The following FBXL13 variants were observed in gnomAD, a reference collection of about 807,000 sequenced individuals.
The protein encoded by FBXL13 is F-box and leucine rich repeat protein 13, also known as F-box and leucine-rich repeat protein 13.
In FBXL13, 67 loss-of-function variants were observed where a neutral mutation model predicts 83.6. The ratio of observed to expected loss-of-function variants is 0.80; its 90% CI spans 0.66 to 0.98. The LOEUF (loss-of-function observed/expected upper bound fraction) is 0.98, where lower values mean the gene tolerates loss of function less well. Ranked by LOEUF, FBXL13 falls within the 50% of genes least tolerant of loss-of-function variation. The pLI, the probability that FBXL13 is intolerant of heterozygous loss-of-function variation, is 0.00. For missense variants in FBXL13, 822 were observed against 866.5 expected, an observed-to-expected ratio of 0.95 and a Z score of 0.64; for synonymous variants, 272 against 299.5, an observed-to-expected ratio of 0.91 and a Z score of 0.95.
intron 2 of FBXL13, among the ~76,000 whole-genome samples, chr7:103,043,631 C>T (rs1290166491): frequency 2.0e-5 from 3 of 152,204 alleles, no homozygotes; most frequent in Non-Finnish European, 2.9e-5. Context: ...CCTGCCTCAG[C>T]CTCCCAAGTA....
chr7:102,867,386 AAAAG>A (rs990472550), intron 16 of FBXL13, among the ~76,000 whole-genome samples: 6 of 152,022 alleles, frequency 3.9e-5, no homozygotes, highest in African/African-American at 1.2e-4. Flanking sequence ...CAAACAAAAA[AAAAG>A]AAGAATTTAC....
At chr7:103,046,995 C>T (rs749835880) in intron 2 of FBXL13, 3 of 152,164 alleles carry the variant, frequency 2.0e-5, no homozygotes, top group Admixed American at 6.5e-5. Flanking sequence ...TGATTATCCT[C>T]GGTGAACCAT....
At chr7:102,811,276 G>GA (rs1562885939), downstream of FBXL13, among the ~76,000 whole-genome samples, 1 of 152,228 alleles carries the variant, frequency 6.6e-6, no homozygotes, top group African/African-American at 2.4e-5. Context: ...CAGACAAAAA[G>GA]AAAAAGCTGC....
exon 1 of FBXL13, chr7:103,074,553 C>A: frequency 1.6e-6 from 2 of 1,217,044 alleles, no homozygotes. Context: ...AATTTGACTT[C>A]ACTTTCTCGC....
At chr7:102,944,559 A>C in intron 8 of FBXL13, 1 of 1,612,722 alleles carries the variant, frequency 6.2e-7, no homozygotes, top group South Asian at 1.1e-5. Flanking sequence ...AAAAACATAG[A>C]GATCACACCG....
chr7:102,982,785 A>G (rs147528954), intron 6 of FBXL13, among the ~76,000 whole-genome samples: 3 of 152,240 alleles, frequency 2.0e-5, no homozygotes, highest in African/African-American at 7.2e-5. Context: ...TTCCTTTATA[A>G]ATTACCCACC....
intron 11 of FBXL13, among the ~76,000 whole-genome samples, chr7:102,884,732 G>A (rs776989962): frequency 2.0e-4 from 30 of 152,162 alleles, no homozygotes; most frequent in South Asian, 1.0e-3. Flanking sequence ...GCACCTAAAT[G>A]TAGTTCCAAA....
At chr7:102,948,370 T>A (rs751361903) in intron 8 of FBXL13, among the ~76,000 whole-genome samples, 3 of 152,022 alleles carry the variant, frequency 2.0e-5, no homozygotes, top group Admixed American at 1.3e-4. Flanking sequence ...GTAATGAGGA[T>A]CTACTTGTCT....
intron 9 of FBXL13, among the ~76,000 whole-genome samples, chr7:102,927,937 C>T (rs1818446331): frequency 6.6e-6 from 1 of 152,146 alleles, no homozygotes; most frequent in Non-Finnish European, 1.5e-5. Context: ...TGTTGAAAGA[C>T]CTTGGCAAAA....
chr7:102,902,045 C>T (rs1451328762), intron 11 of FBXL13, among the ~76,000 whole-genome samples: 2 of 152,156 alleles, frequency 1.3e-5, no homozygotes, highest in Non-Finnish European at 2.9e-5. Flanking sequence ...ATTTACATTC[C>T]CACCAGCAGT....
At chr7:102,822,250 A>C in intron 18 of FBXL13, 47 bp from the exon 20 acceptor site, 1,099 of 1,531,776 alleles carry the variant, frequency 7.2e-4, no homozygotes, top group Non-Finnish European at 9.0e-4. Context: ...ACACTATCTC[A>C]GGGAAGAACA....
rs528610336 is a variant in FBXL13, at chr7:102,905,728, A to G, written c.1008+7358T>C. Among the ~76,000 whole-genome samples the G allele has an allele frequency of 1.1e-4, 17 of 151,494 alleles. No homozygotes were observed. In the East Asian group the frequency reaches 2.7e-3, roughly 24 times the overall value. On this transcript the variant is annotated intron_variant, in intron 11 of 19. Coordinates refer to ENST00000313221, the Ensembl canonical transcript of FBXL13. The stretch of plus-strand genomic sequence containing the variant: ...TTCCTGTCTTCTTCAACTGAAGGCA[A>G]TTTTCTCTGGTGATATTATTTAATT...
rs201045193 is a variant in FBXL13 at position 102,830,082 on chromosome 7, G to C, written c.1854+2758C>G. ...TTCCTCTTTCTCCCTCTAAACCTTTGATACAGAGTGATGCATTTCTTGCAT... is the reference window on the plus strand; with the variant it reads ...TTCCTCTTTCTCCCTCTAAACCTTTCATACAGAGTGATGCATTTCTTGCAT... On this transcript the variant is annotated intron_variant, in intron 18 of 19. Transcript: ENST00000313221. Among the ~76,000 whole-genome samples, 8 of 152,164 alleles carry C rather than the reference G, an allele frequency of 5.3e-5. No individual in the cohort carries two copies. The East Asian group carries it at 1.5e-3, about 29-fold the overall frequency.
chr7:102,984,104 T>C (rs1828630189), intron 6 of FBXL13, among the ~76,000 whole-genome samples: 1 of 152,180 alleles, frequency 6.6e-6, no homozygotes, highest in African/African-American at 2.4e-5. Context: ...CCAATGGAGA[T>C]ATTTGGCATA....
intron 10 of FBXL13, among the ~76,000 whole-genome samples, chr7:102,922,963 G>A (rs1337147525): frequency 6.6e-6 from 1 of 152,130 alleles, no homozygotes. Context: ...GGGCGACAGA[G>A]CGAGACTCCG....
intron 8 of FBXL13, among the ~76,000 whole-genome samples, chr7:102,936,530 G>T (rs1277528082): frequency 6.6e-6 from 1 of 152,176 alleles, no homozygotes; most frequent in Non-Finnish European, 1.5e-5. Context: ...ATATTGTTAT[G>T]GTGAGTCCTT....
rs1387638135 is a variant in FBXL13 at position 102,951,400 on chromosome 7, T to TAAATAAATAAATAAAA, written c.724+12132_724+12133insTTTTATTTATTTATTT. ...CTAAATAAATAAATAAATAAATAAA[T>TAAATAAATAAATAAAA]AAAAGTTAATTTAAAAAAAAACGAA... On this transcript the variant is annotated intron_variant, in intron 8 of 19. Coordinates refer to ENST00000313221, the Ensembl canonical transcript of FBXL13. Among the ~76,000 whole-genome samples the TAAATAAATAAATAAAA allele has an allele frequency of 2.5e-4, 38 of 149,708 alleles. 1 individual carries two copies. The East Asian group carries it at 6.5e-3, about 25-fold the overall frequency.
chr7:102,891,794 G>T (rs1175821875), intron 11 of FBXL13, among the ~76,000 whole-genome samples: 2 of 152,208 alleles, frequency 1.3e-5, no homozygotes, highest in African/African-American at 4.8e-5. Flanking sequence ...TCAGAGCTGG[G>T]ATCTGTCAGA....
intron 6 of FBXL13, among the ~76,000 whole-genome samples, chr7:103,005,865 A>G (rs1399573845): frequency 6.6e-6 from 1 of 152,194 alleles, no homozygotes; most frequent in African/African-American, 2.4e-5. Flanking sequence ...CTGAAAAAAA[A>G]AGAAGAGACC....
Sources: allele counts gnomAD v4.1 joint callset (sites outside exome capture counted in the v4.1 genomes callset), GRCh38; gene constraint gnomAD v4.1.1; transcripts MANE v1.5; gene names NCBI Gene and HGNC (gene_info 2026-07-23, HGNC 2026-07-21).